The following XKR6 variants were observed in gnomAD, a reference collection of about 807,000 sequenced individuals.
XKR6 encodes the protein XK-related protein 6.
A neutral mutation model predicts 56.7 loss-of-function variants in XKR6; 22 were observed. The observed-to-expected ratio is 0.39, with a 90% CI of 0.28 to 0.55. The LOEUF (loss-of-function observed/expected upper bound fraction) is 0.55, where lower values mean the gene tolerates loss of function less well. Among genes scored for constraint, XKR6 ranks in the 20% least tolerant of loss-of-function variants. The pLI is 0.66. For synonymous variants in XKR6, 524 were observed against 387.8 expected (o/e 1.35, Z -4.13); for missense variants, 852 against 889.0 (o/e 0.96, Z 0.53).
chr8:11,016,583 C>G (rs996731102), intron 1 of XKR6, among the ~76,000 whole-genome samples: 1 of 152,244 alleles, frequency 6.6e-6, no homozygotes, highest in African/African-American at 2.4e-5. Flanking sequence ...CCCGACAGCG[C>G]CGCCCTCCGG....
intron 1 of XKR6, among the ~76,000 whole-genome samples, chr8:11,071,574 G>GAGCCCCGAGTCTATC (rs1800121350): frequency 2.1e-5 from 3 of 142,180 alleles, no homozygotes; most frequent in African/African-American, 5.4e-5. Flanking sequence ...CCGAGTCCAT[G>GAGCCCCGAGTCTATC]AGCCCCGAGT....
At chr8:11,042,556 G>T (rs1184609295) in intron 1 of XKR6, among the ~76,000 whole-genome samples, 1 of 152,202 alleles carries the variant, frequency 6.6e-6, no homozygotes, top group African/African-American at 2.4e-5. Context: ...TCCCAGCCAG[G>T]TGGAACTGTG....
chr8:11,149,146 TAC>T (rs1240579366), intron 1 of XKR6, among the ~76,000 whole-genome samples: 10 of 152,054 alleles, frequency 6.6e-5, no homozygotes, highest in African/African-American at 2.4e-4. Context: ...CCGTGGGAGG[TAC>T]AGTCATGTGT....
intron 1 of XKR6, among the ~76,000 whole-genome samples, chr8:10,977,300 G>A (rs888886261): frequency 1.3e-5 from 2 of 152,048 alleles, no homozygotes; most frequent in Non-Finnish European, 2.9e-5. Context: ...ATGCCTCAAG[G>A]GTCCATTGGT....
intron 1 of XKR6, among the ~76,000 whole-genome samples, chr8:11,150,576 G>C (rs576428168): frequency 2.6e-5 from 4 of 152,224 alleles, no homozygotes; most frequent in African/African-American, 9.6e-5. Context: ...TTCCAGGCTG[G>C]GCGTGGTGGC....
intron 1 of XKR6, among the ~76,000 whole-genome samples, chr8:11,167,597 C>G (rs1802145209): frequency 6.6e-6 from 1 of 152,032 alleles, no homozygotes; most frequent in African/African-American, 2.4e-5. Context: ...TTAGGGCAAT[C>G]AAAAGCATCC....
At chr8:10,953,396 C>T (rs183606741) in intron 1 of XKR6, among the ~76,000 whole-genome samples, 1 of 152,148 alleles carries the variant, frequency 6.6e-6, no homozygotes, top group Non-Finnish European at 1.5e-5. Context: ...TCCCCCTTGG[C>T]CTTCCACCAT....
chr8:10,913,272 A>G (rs13270870), intron 2 of XKR6, among the ~76,000 whole-genome samples: 71,172 of 151,584 alleles, frequency 0.47, 17,872 homozygotes, highest in African/African-American at 0.58. Context: ...ACAGAGATCC[A>G]TCTGCCTTTT....
chr8:11,134,595 A>AT (rs978154400), intron 1 of XKR6, among the ~76,000 whole-genome samples: 1 of 152,108 alleles, frequency 6.6e-6, no homozygotes, highest in African/African-American at 2.4e-5. Context: ...TACATTTTGT[A>AT]TATTTTTATA....
At chr8:11,008,146 T>C (rs1382179866) in intron 1 of XKR6, among the ~76,000 whole-genome samples, 1 of 152,208 alleles carries the variant, frequency 6.6e-6, no homozygotes, top group Non-Finnish European at 1.5e-5. Flanking sequence ...CACGATGCCC[T>C]GTCCTGCTCA....
At chr8:10,980,753 C>T (rs1797713170) in intron 1 of XKR6, among the ~76,000 whole-genome samples, 1 of 152,078 alleles carries the variant, frequency 6.6e-6, no homozygotes, top group Non-Finnish European at 1.5e-5. Context: ...TCGTCTATCA[C>T]CTATCTATCA....
intron 1 of XKR6, among the ~76,000 whole-genome samples, chr8:11,000,953 G>A (rs1798224504): frequency 6.6e-6 from 1 of 152,148 alleles, no homozygotes; most frequent in Non-Finnish European, 1.5e-5. Flanking sequence ...CTCAGCCTTT[G>A]CTTTTCTGGC....
At chr8:11,035,197 TG>T in intron 1 of XKR6, 1 of 534,798 alleles carries the variant, frequency 1.9e-6, no homozygotes. Flanking sequence ...GCAAGCTATC[TG>T]GTGGCTGCTC....
chr8:11,052,667 G>A (rs559320786), intron 1 of XKR6, among the ~76,000 whole-genome samples: 5 of 152,106 alleles, frequency 3.3e-5, no homozygotes, highest in South Asian at 2.1e-4. Flanking sequence ...CCCATTGCCC[G>A]CACCTTGAGT....
chr8:10,903,332 T>A (rs992512686), intron 2 of XKR6, among the ~76,000 whole-genome samples: 1 of 152,138 alleles, frequency 6.6e-6, no homozygotes, highest in African/African-American at 2.4e-5. Flanking sequence ...GCCTGTGAAT[T>A]CTGGGGACTC....
chr8:11,158,838 G>A (rs1404461639), intron 1 of XKR6, among the ~76,000 whole-genome samples: 2 of 152,138 alleles, frequency 1.3e-5, no homozygotes, highest in East Asian at 3.9e-4. Context: ...GCAGAGATAA[G>A]CCTAGGAGAA....
rs544311644 is a variant in XKR6 at position 11,140,398 on chromosome 8, C to G, written c.764+60178G>C. ...GATTAAGAAAAAGTCCTTTGGGTAT[C>G]GAGGCAAAAAGACCACATGACTTAC... On this transcript the variant is annotated intron_variant, in intron 1 of 2. Coordinates refer to ENST00000416569, the MANE Select transcript of XKR6 (RefSeq NM_173683.4). 6.6e-4 allele frequency among the ~76,000 whole-genome samples: 100 copies of G among 152,222 alleles called. 1 individual carries two copies. The highest frequency in any genetic ancestry group is 2.2e-3 in the African/African-American group (90 of 41,526).
chr8:11,015,216 A>C (rs1798591487), intron 1 of XKR6, among the ~76,000 whole-genome samples: 1 of 150,832 alleles, frequency 6.6e-6, no homozygotes, highest in Non-Finnish European at 1.5e-5. Flanking sequence ...TTTTTAAGTA[A>C]CCCAAATTCT....
intron 1 of XKR6, among the ~76,000 whole-genome samples, chr8:11,183,091 T>A (rs1014791097): frequency 6.6e-6 from 1 of 152,170 alleles, no homozygotes; most frequent in Non-Finnish European, 1.5e-5. Flanking sequence ...GCGTCTTGTA[T>A]CCATTTTGTT....
Sources: gnomAD v4.1 joint callset for allele counts (sites outside exome capture counted in the v4.1 genomes callset) on GRCh38, gnomAD v4.1.1 for gene constraint, MANE v1.5 for transcripts, NCBI Gene and HGNC (gene_info 2026-07-23, HGNC 2026-07-21) for gene names.